Variants in ROBO2 observed in about 807,000 individuals in gnomAD.
ROBO2 encodes roundabout homolog 2.
A neutral mutation model predicts 160.8 loss-of-function variants in ROBO2; 53 were observed. The ratio of observed to expected loss-of-function variants is 0.33; its 90% CI spans 0.26 to 0.41. The LOEUF (loss-of-function observed/expected upper bound fraction) is 0.41, where lower values mean the gene tolerates loss of function less well. Ranked by LOEUF, ROBO2 falls within the 10% of genes least tolerant of loss-of-function variation. ROBO2 has a pLI of 1.00. For synonymous variants in ROBO2, 664 were observed against 611.7 expected (o/e 1.09, Z -1.26); for missense variants, 1,577 against 1,722.4 (o/e 0.92, Z 1.49).
intron 16 of ROBO2, among the ~76,000 whole-genome samples, chr3:77,581,301 T>G (rs1237087888): frequency 4.6e-5 from 7 of 152,148 alleles, no homozygotes; most frequent in Non-Finnish European, 1.5e-5. Context: ...TGTCATTTGA[T>G]GAACAAAAGT....
chr3:76,685,131 T>G (rs929631514), intron 2 of ROBO2, among the ~76,000 whole-genome samples: 1 of 151,346 alleles, frequency 6.6e-6, no homozygotes, highest in African/African-American at 2.4e-5. Flanking sequence ...CTTGAAATCA[T>G]AGACCACCCA....
At chr3:77,572,494 C>T (rs1227762854) in intron 13 of ROBO2, among the ~76,000 whole-genome samples, 3 of 150,128 alleles carry the variant, frequency 2.0e-5, no homozygotes, top group African/African-American at 7.3e-5. Flanking sequence ...TACACCTGGG[C>T]TCACTTTTTT....
rs1340514414 is a variant in ROBO2 at position 77,646,555 on chromosome 3, T to C, written c.*500T>C. The C allele has an allele frequency of 2.0e-5, 3 of 152,702 alleles. No individual in the cohort carries two copies. In the Admixed American group the frequency reaches 2.0e-4, roughly 10 times the overall value. The allele number at this position is 152,702 out of a possible 1,614,324, so 9.5% of individuals were successfully genotyped here. On this transcript the variant is annotated 3_prime_UTR_variant, in exon 26 of 26. Transcript: ENST00000461745. ...TCATGACATGAAGAAAAAGACTGAA[T>C]GTGAAGGGAGTTTCTGTACTGTAAG...
At chr3:76,199,767 C>A (rs561834498) in intron 2 of ROBO2, among the ~76,000 whole-genome samples, 192 of 152,232 alleles carry the variant, frequency 1.3e-3, no homozygotes, top group Non-Finnish European at 2.5e-3. Flanking sequence ...GCCAAATATG[C>A]GTCTCAACTC....
intron 2 of ROBO2, among the ~76,000 whole-genome samples, chr3:76,484,847 T>TA (rs770567096): frequency 6.6e-6 from 1 of 152,156 alleles, no homozygotes; most frequent in Non-Finnish European, 1.5e-5. Context: ...ATTTTCTACA[T>TA]AAAAAAGTTA....
At chr3:76,043,374 G>C (rs765354473) in intron 2 of ROBO2, among the ~76,000 whole-genome samples, 3 of 151,558 alleles carry the variant, frequency 2.0e-5, no homozygotes, top group Non-Finnish European at 4.4e-5. Flanking sequence ...TCCTTCACCA[G>C]TTCTGGGCCT....
At chr3:76,036,467 T>C (rs1175173641) in intron 2 of ROBO2, among the ~76,000 whole-genome samples, 1 of 150,268 alleles carries the variant, frequency 6.7e-6, no homozygotes, top group Non-Finnish European at 1.5e-5. Context: ...ATTTTAAATA[T>C]GCTACTTTTT....
intron 2 of ROBO2, among the ~76,000 whole-genome samples, chr3:77,220,399 T>C (rs1485276799): frequency 6.6e-6 from 1 of 152,124 alleles, no homozygotes; most frequent in Non-Finnish European, 1.5e-5. Flanking sequence ...AATATAGACA[T>C]ACTAAGAGTA....
At chr3:76,967,134 G>A (rs530912196) in intron 2 of ROBO2, among the ~76,000 whole-genome samples, 1 of 152,172 alleles carries the variant, frequency 6.6e-6, no homozygotes, top group Non-Finnish European at 1.5e-5. Context: ...TGAATGGAAA[G>A]GTAAGGTAGC....
intron 24 of ROBO2, among the ~76,000 whole-genome samples, chr3:77,644,443 A>G (rs1199827728): frequency 6.6e-6 from 1 of 152,270 alleles, no homozygotes. Context: ...ATGAATTTAA[A>G]TTTTGCAAAT....
At chr3:77,020,268 C>T (rs1165900881) in intron 2 of ROBO2, among the ~76,000 whole-genome samples, 1 of 152,110 alleles carries the variant, frequency 6.6e-6, no homozygotes, top group African/African-American at 2.4e-5. Flanking sequence ...AGTAAAAACT[C>T]AGCACTGAAT....
At chr3:76,216,806 G>A (rs547601025) in intron 2 of ROBO2, among the ~76,000 whole-genome samples, 122 of 152,088 alleles carry the variant, frequency 8.0e-4, no homozygotes, top group African/African-American at 2.3e-3. Flanking sequence ...TGCACCAAGC[G>A]GACCTAATAG....
At chr3:75,926,250 A>C (rs1947287524) in intron 1 of ROBO2, among the ~76,000 whole-genome samples, 1 of 152,288 alleles carries the variant, frequency 6.6e-6, no homozygotes, top group African/African-American at 2.4e-5. Flanking sequence ...TATTTATTTA[A>C]ATTTTAGCTT....
intron 2 of ROBO2, among the ~76,000 whole-genome samples, chr3:76,756,785 A>G (rs537606896): frequency 1.6e-4 from 24 of 152,000 alleles, no homozygotes; most frequent in African/African-American, 4.3e-4. Context: ...AAATCTGTCT[A>G]CAGGAAGACA....
chr3:77,437,176 G>A (rs889610347), intron 2 of ROBO2, among the ~76,000 whole-genome samples: 1 of 151,944 alleles, frequency 6.6e-6, no homozygotes, highest in African/African-American at 2.4e-5. Context: ...TGTGGCAATA[G>A]CATAAAGCCA....
chr3:76,081,474 A>G (rs572160241), intron 2 of ROBO2, among the ~76,000 whole-genome samples: 2 of 152,314 alleles, frequency 1.3e-5, no homozygotes, highest in Non-Finnish European at 2.9e-5. Flanking sequence ...TCAATAAACA[A>G]TAATAAAAAT....
intron 2 of ROBO2, among the ~76,000 whole-genome samples, chr3:76,294,149 A>AGTC (rs1708949322): frequency 6.6e-6 from 1 of 152,132 alleles, no homozygotes; most frequent in South Asian, 2.1e-4. Context: ...GGGTGCCGGG[A>AGTC]GTCGGGGAGA....
At chr3:76,411,675 C>T (rs933793159) in intron 2 of ROBO2, among the ~76,000 whole-genome samples, 2 of 152,304 alleles carry the variant, frequency 1.3e-5, no homozygotes, top group East Asian at 1.9e-4. Flanking sequence ...ATTACAGTTA[C>T]AATGGATATT....
At chr3:76,490,794 G>A (rs2079776345) in intron 2 of ROBO2, among the ~76,000 whole-genome samples, 2 of 152,034 alleles carry the variant, frequency 1.3e-5, no homozygotes, top group African/African-American at 2.4e-5. Flanking sequence ...GCTTTCTTAT[G>A]GCTTATATCC....
Sources: allele counts gnomAD v4.1 joint callset (sites outside exome capture counted in the v4.1 genomes callset), GRCh38; gene constraint gnomAD v4.1.1; transcripts MANE v1.5; gene names NCBI Gene and HGNC (gene_info 2026-07-23, HGNC 2026-07-21).